Variants in AFF1 observed in about 807,000 individuals in gnomAD.
AFF1 encodes the protein AF4/FMR2 family member 1.
Under a neutral mutation model 121.7 loss-of-function variants are expected in AFF1, and 48 were observed. The observed-to-expected ratio is 0.39, with a 90% CI of 0.31 to 0.50. The LOEUF (loss-of-function observed/expected upper bound fraction) is 0.50. Among genes scored for constraint, AFF1 ranks in the 20% least tolerant of loss-of-function variants. AFF1 has a pLI of 0.76. For missense variants in AFF1, 1,523 were observed against 1,511.7 expected, an observed-to-expected ratio of 1.01 and a Z score of -0.12; for synonymous variants, 613 against 563.0, an observed-to-expected ratio of 1.09 and a Z score of -1.26.
chr4:86,985,447 G>A (rs1203670908), intron 2 of AFF1, among the ~76,000 whole-genome samples: 1 of 149,220 alleles, frequency 6.7e-6, no homozygotes, highest in Non-Finnish European at 1.5e-5. Flanking sequence ...GGAGGCAGAA[G>A]TTGCAGTGAG....
chr4:87,013,040 T>TTGTTTTTTTG (rs1483562250), intron 2 of AFF1, among the ~76,000 whole-genome samples: 2 of 54,282 alleles, frequency 3.7e-5, no homozygotes, highest in African/African-American at 1.3e-4. Flanking sequence ...TTCTTTTTTT[T>TTGTTTTTTTG]TTTTTTTTTT....
chr4:86,974,769 C>T (rs569196573), intron 2 of AFF1, among the ~76,000 whole-genome samples: 9 of 152,140 alleles, frequency 5.9e-5, no homozygotes, highest in Admixed American at 2.6e-4. Flanking sequence ...GTTTTGCTCA[C>T]GTTAAGTTAA....
At chr4:87,030,940 T>G (rs1729014638) in intron 2 of AFF1, among the ~76,000 whole-genome samples, 1 of 152,092 alleles carries the variant, frequency 6.6e-6, no homozygotes. Flanking sequence ...GTTGAGTGCA[T>G]TTGCATTCTA....
intron 2 of AFF1, among the ~76,000 whole-genome samples, chr4:87,016,769 A>G (rs1727343538): frequency 6.6e-6 from 1 of 152,110 alleles, no homozygotes; most frequent in Non-Finnish European, 1.5e-5. Context: ...CTCTGTAAAT[A>G]TGCCTTTTCT....
intron 8 of AFF1, among the ~76,000 whole-genome samples, chr4:87,105,150 TATTC>T (rs1381309568): frequency 6.6e-6 from 1 of 152,258 alleles, no homozygotes; most frequent in Non-Finnish European, 1.5e-5. Flanking sequence ...GCTTTACAAA[TATTC>T]ATTCATTCAA....
At chr4:86,958,742 A>C (rs1315161221) in intron 2 of AFF1, among the ~76,000 whole-genome samples, 1 of 152,052 alleles carries the variant, frequency 6.6e-6, no homozygotes, top group African/African-American at 2.4e-5. Flanking sequence ...ATAAATAATA[A>C]ATAATAAAAT....
chr4:87,041,529 T>G (rs1295524612), intron 2 of AFF1, among the ~76,000 whole-genome samples: 1 of 152,218 alleles, frequency 6.6e-6, no homozygotes, highest in Non-Finnish European at 1.5e-5. Context: ...GACTCAGGTT[T>G]GAGAACCTCT....
At chr4:87,129,917 G>C (rs931273540) in intron 16 of AFF1, among the ~76,000 whole-genome samples, 36 of 151,980 alleles carry the variant, frequency 2.4e-4, no homozygotes, top group African/African-American at 8.7e-4. Context: ...TTGCTGACGT[G>C]TCTCCAGCTC....
intron 4 of AFF1, among the ~76,000 whole-genome samples, chr4:87,056,577 TTAAA>T (rs1720162659): frequency 3.3e-5 from 5 of 152,226 alleles, no homozygotes; most frequent in Admixed American, 3.3e-4. Context: ...TTTTTTCCTA[TTAAA>T]TAATCTGAAC....
intron 2 of AFF1, among the ~76,000 whole-genome samples, chr4:87,028,257 G>A (rs918043267): frequency 5.9e-5 from 9 of 151,628 alleles, no homozygotes; most frequent in Admixed American, 5.3e-4. Flanking sequence ...AGAGTATACT[G>A]TCCCGTAAAT....
At chr4:87,022,001 G>A (rs1393988560) in intron 2 of AFF1, among the ~76,000 whole-genome samples, 1 of 152,144 alleles carries the variant, frequency 6.6e-6, no homozygotes, top group Non-Finnish European at 1.5e-5. Flanking sequence ...TCAGGAGTTT[G>A]AGACCAGCCT....
At chr4:87,079,810 G>C (rs916378445) in intron 4 of AFF1, among the ~76,000 whole-genome samples, 1 of 152,132 alleles carries the variant, frequency 6.6e-6, no homozygotes, top group South Asian at 2.1e-4. Flanking sequence ...CTACCACAAA[G>C]GTTGATGTGA....
At chr4:86,976,237 T>C (rs1390877354) in intron 2 of AFF1, among the ~76,000 whole-genome samples, 1 of 152,122 alleles carries the variant, frequency 6.6e-6, no homozygotes, top group Non-Finnish European at 1.5e-5. Flanking sequence ...TCACAGTATT[T>C]AACACATCTA....
At chr4:87,011,155 C>A (rs1726715281) in intron 2 of AFF1, among the ~76,000 whole-genome samples, 1 of 151,192 alleles carries the variant, frequency 6.6e-6, no homozygotes, top group South Asian at 2.1e-4. Context: ...CACCCTGGGG[C>A]AGGGGTGTAT....
Position 87,046,864 on chromosome 4 carries a change from C to T in AFF1, c.329C>T (p.Pro110Leu). 6.2e-7 allele frequency: 1 copy of T among 1,614,206 alleles called. No homozygotes were observed. Among genetic ancestry groups the T allele is most frequent in the South Asian group, 1.1e-5 (1 of 91,088 alleles). ...ATTCCTGACAAAGGGAGCAGCATTC[C>T]ATCCAGCTCCTTCCACACTAGTGTC... ...PLIPDKGSSI[P>L]SSSFHTSVHH... Residue 110 changes from proline to leucine, a missense_variant, in exon 4 of 21, where the codon CCA becomes CTA. This residue lies in a region of AFF1 where 369 missense variants were observed against 367.2 expected (regional missense o/e 1.00). Coordinates refer to ENST00000395146, the MANE Select transcript of AFF1 (RefSeq NM_001166693.3).
intron 11 of AFF1, among the ~76,000 whole-genome samples, chr4:87,111,012 A>T (rs866337039): frequency 0.015 from 437 of 29,154 alleles, 74 homozygotes; most frequent in African/African-American, 0.033. Flanking sequence ...TTTTTTTTTT[A>T]TTTTTTTTTT....
intron 4 of AFF1, among the ~76,000 whole-genome samples, chr4:87,070,322 A>G (rs1721899047): frequency 6.6e-6 from 1 of 151,614 alleles, no homozygotes; most frequent in South Asian, 2.1e-4. Flanking sequence ...TATTTTTAGT[A>G]GAGACTGGGT....
intron 14 of AFF1, 62 bp downstream of exon 14, chr4:87,126,398 A>C (rs1728254345): frequency 6.7e-7 from 1 of 1,497,012 alleles, no homozygotes. Flanking sequence ...TACGTTCCCA[A>C]AGAAGACAAG....
At chr4:87,094,749 C>G (rs1051803971) in intron 7 of AFF1, among the ~76,000 whole-genome samples, 166 bp from the exon 8 acceptor site, 1 of 152,150 alleles carries the variant, frequency 6.6e-6, no homozygotes, top group Non-Finnish European at 1.5e-5. Context: ...TGATTCTGAA[C>G]CAAGCATTCT....
Sources: allele counts gnomAD v4.1 joint callset (sites outside exome capture counted in the v4.1 genomes callset), GRCh38; gene constraint gnomAD v4.1.1; regional missense constraint gnomAD v4.1.1; transcripts MANE v1.5; gene names NCBI Gene and HGNC (gene_info 2026-07-23, HGNC 2026-07-21).